The following SMARCA2 variants were observed in gnomAD, a reference collection of about 807,000 sequenced individuals.
SMARCA2 encodes SWI/SNF related BAF chromatin remodeling complex subunit ATPase 2.
SMARCA2 carries 61 observed loss-of-function variants against 199.8 expected under a neutral mutation model. The observed-to-expected ratio is 0.31, with a 90% CI of 0.25 to 0.38. SMARCA2 has a LOEUF of 0.38. Among genes scored for constraint, SMARCA2 ranks in the 10% least tolerant of loss-of-function variants. SMARCA2 has a pLI of 1.00. For missense variants in SMARCA2, 1,344 were observed against 2,012.2 expected (o/e 0.67, Z 6.35); for synonymous variants, 935 against 732.0 (o/e 1.28, Z -4.48).
intron 32 of SMARCA2, among the ~76,000 whole-genome samples, chr9:2,190,956 T>C (rs1827837839): frequency 6.6e-6 from 1 of 152,206 alleles, no homozygotes; most frequent in Non-Finnish European, 1.5e-5. Context: ...AGAAAACACT[T>C]CCCCTCATTA....
chr9:2,127,331 G>C (rs2130638549), intron 27 of SMARCA2, among the ~76,000 whole-genome samples: 1 of 152,262 alleles, frequency 6.6e-6, no homozygotes, highest in East Asian at 1.9e-4. Context: ...GCACTGGATT[G>C]ACAGATAAGG....
intron 29 of SMARCA2, among the ~76,000 whole-genome samples, chr9:2,180,244 TA>T (rs1021475725): frequency 6.6e-6 from 1 of 152,028 alleles, no homozygotes; most frequent in Non-Finnish European, 1.5e-5. Context: ...ATTAAAAAAA[TA>T]AAACAAAAAC....
chr9:2,180,304 T>G (rs1048606525), intron 29 of SMARCA2, among the ~76,000 whole-genome samples: 2 of 152,176 alleles, frequency 1.3e-5, no homozygotes, highest in Non-Finnish European at 2.9e-5. Context: ...GACAGAGGAT[T>G]TTCGGTTAAT....
chr9:2,188,737 T>C (rs932652141), intron 32 of SMARCA2, among the ~76,000 whole-genome samples: 5 of 152,208 alleles, frequency 3.3e-5, no homozygotes, highest in African/African-American at 9.7e-5. Context: ...AGCATGAGTC[T>C]CCCTGGACTA....
intron 21 of SMARCA2, among the ~76,000 whole-genome samples, chr9:2,100,936 T>C (rs1487346445): frequency 6.6e-6 from 1 of 151,844 alleles, no homozygotes; most frequent in Non-Finnish European, 1.5e-5. Context: ...GAAAGGAACG[T>C]CTTACATGGT....
At position 2,020,246 on chromosome 9, in the gene SMARCA2, T is replaced by G. The variant is rs74742176; in HGVS notation, c.-37+4842T>G. On this transcript the variant is annotated intron_variant, in intron 1 of 33. Coordinates refer to ENST00000349721, the MANE Select transcript of SMARCA2 (RefSeq NM_003070.5). ...TCTCCTTTTTAATGTAAAAGAATTA[T>G]CTTCTAAATTGTTTTTTTTTCCCCC... is the stretch of plus-strand genomic sequence containing the variant. 3.7e-3 allele frequency among the ~76,000 whole-genome samples: 571 copies of G among 152,304 alleles called. 7 individuals carry two copies. Among genetic ancestry groups the G allele is most frequent in the African/African-American group, 0.013 (548 of 41,562 alleles).
intron 22 of SMARCA2, 32 bp downstream of exon 22, chr9:2,101,648 A>G: frequency 1.6e-6 from 2 of 1,239,078 alleles, no homozygotes; most frequent in Non-Finnish European, 2.3e-6. Flanking sequence ...CTTTTAAAAA[A>G]AAATGTTGTT....
rs749920754 is a variant in SMARCA2, at chr9:2,084,160, T to C, written c.2490T>C (p.Tyr830=). The stretch of plus-strand genomic sequence containing the variant: ...AATTCAATGTCCTCTTGACTACTTA[T>C]GAGTATATTATAAAAGACAAGCACA... ...SGKFNVLLTT[Y]EYIIKDKHIL... is the part of the protein sequence containing the mutation. Residue 830 remains tyrosine (Y), a synonymous_variant, in exon 17 of 34, where the codon TAT becomes TAC. Transcript: ENST00000349721. 6.2e-7 allele frequency: 1 copy of C among 1,608,094 alleles called. No homozygotes were observed. Among genetic ancestry groups the C allele is most frequent in the Non-Finnish European group, 8.5e-7 (1 of 1,174,734 alleles).
At chr9:2,045,498 C>G (rs1006404148) in intron 4 of SMARCA2, 2 of 151,846 alleles carry the variant, frequency 1.3e-5, no homozygotes, top group Non-Finnish European at 2.9e-5. Flanking sequence ...GCATAGTAAC[C>G]CTGAGACTTA....
intron 29 of SMARCA2, among the ~76,000 whole-genome samples, chr9:2,172,709 C>G (rs1429199359): frequency 6.6e-6 from 1 of 152,080 alleles, no homozygotes; most frequent in African/African-American, 2.4e-5. Context: ...GTTACGAGCA[C>G]TGTTTCAAGG....
At chr9:2,176,802 C>T (rs1410306969) in intron 29 of SMARCA2, among the ~76,000 whole-genome samples, 1 of 151,922 alleles carries the variant, frequency 6.6e-6, no homozygotes, top group Non-Finnish European at 1.5e-5. Context: ...AAGTGATCAG[C>T]CTGCCTCAGC....
chr9:2,181,467 G>T (rs1411923347), intron 29 of SMARCA2, 104 bp from the exon 30 acceptor site: 4 of 685,452 alleles, frequency 5.8e-6, no homozygotes, highest in Admixed American at 4.9e-5. Context: ...ATCTATATGC[G>T]TGGAATATAA....
In SMARCA2 at chr9:2,170,637, G is replaced by C. The variant is rs1410995256; in HGVS notation, c.4253+165G>C. 6.6e-6 allele frequency among the ~76,000 whole-genome samples: 1 copy of C among 152,186 alleles called. No individual in the cohort carries two copies. The highest frequency in any genetic ancestry group is 1.5e-5 in the Non-Finnish European group (1 of 68,040). On this transcript the variant is annotated intron_variant, in intron 29 of 33. Coordinates refer to ENST00000349721, the MANE Select transcript of SMARCA2 (RefSeq NM_003070.5). This position sits in a 1 kb window ranked among gnomAD's most constrained non-coding sequence, Gnocchi z 4.7. ...GAGGCACAGATACTCTTAAACAGCT[G>C]TCATGGCTTCTGAAGTTGTTGGTGC...
chr9:2,077,289 C>T (rs1363552256), intron 13 of SMARCA2, among the ~76,000 whole-genome samples: 1 of 152,158 alleles, frequency 6.6e-6, no homozygotes, highest in African/African-American at 2.4e-5. Context: ...TATTCATCTG[C>T]AGGTGTAGGG....
intron 19 of SMARCA2, among the ~76,000 whole-genome samples, chr9:2,094,203 T>G (rs756703968): frequency 3.9e-5 from 6 of 152,150 alleles, no homozygotes; most frequent in Non-Finnish European, 7.3e-5. Context: ...TAAAATATAG[T>G]TGTGAAGCTT....
intron 32 of SMARCA2, 123 bp downstream of exon 32, chr9:2,186,351 T>A: frequency 9.4e-7 from 1 of 1,069,112 alleles, no homozygotes; most frequent in Non-Finnish European, 1.3e-6. Flanking sequence ...CTTATTCCAC[T>A]TTGTCCTTGC....
chr9:2,165,322 G>A (rs2129669889), intron 28 of SMARCA2, among the ~76,000 whole-genome samples: 1 of 152,354 alleles, frequency 6.6e-6, no homozygotes, highest in South Asian at 2.1e-4. Context: ...TTCTGGGGCA[G>A]ATGTATCTTG....
At chr9:2,142,913 G>A (rs1036559484) in intron 27 of SMARCA2, among the ~76,000 whole-genome samples, 3 of 152,124 alleles carry the variant, frequency 2.0e-5, no homozygotes, top group African/African-American at 7.2e-5. Flanking sequence ...ACATTTTTGG[G>A]TCCCATTGGT....
intron 29 of SMARCA2, among the ~76,000 whole-genome samples, chr9:2,174,830 G>C (rs12351045): frequency 0.013 from 1,937 of 149,344 alleles, 39 homozygotes; most frequent in African/African-American, 0.045. Context: ...TGAGATGGGA[G>C]GATTGCTTGA....
Sources: allele counts gnomAD v4.1 joint callset (sites outside exome capture counted in the v4.1 genomes callset), GRCh38; gene constraint gnomAD v4.1.1; non-coding constraint Gnocchi (gnomAD v3.1); transcripts MANE v1.5; gene names NCBI Gene and HGNC (gene_info 2026-07-23, HGNC 2026-07-21).